Variants in TRIP4 observed in about 807,000 individuals in gnomAD.
TRIP4 encodes activating signal cointegrator 1.
In TRIP4, 54 loss-of-function variants were observed where a neutral mutation model predicts 81.8. The observed-to-expected ratio is 0.66, with a 90% CI of 0.53 to 0.83. The LOEUF (loss-of-function observed/expected upper bound fraction) is 0.83, where lower values mean the gene tolerates loss of function less well. Among genes scored for constraint, TRIP4 ranks in the 40% least tolerant of loss-of-function variants. TRIP4 has a pLI of 0.00. For missense variants in TRIP4, 662 were observed against 683.6 expected, an observed-to-expected ratio of 0.97 and a Z score of 0.35; for synonymous variants, 270 against 242.8, an observed-to-expected ratio of 1.11 and a Z score of -1.04.
At chr15:64,394,459 G>A (rs1360432400) in intron 2 of TRIP4, among the ~76,000 whole-genome samples, 4 of 151,988 alleles carry the variant, frequency 2.6e-5, no homozygotes, top group Non-Finnish European at 5.9e-5. Flanking sequence ...CAAAAAGTTA[G>A]CCAGGCATGG....
chr15:64,401,426 C>T (rs138134529), intron 5 of TRIP4, among the ~76,000 whole-genome samples: 1 of 152,004 alleles, frequency 6.6e-6, no homozygotes, highest in Non-Finnish European at 1.5e-5. Context: ...TAAGCCACCA[C>T]GCCCAGCCAA....
rs144113386 is a variant in TRIP4 at position 64,397,627 on chromosome 15, G to A, written c.427G>A (p.Val143Ile). 48 of 1,612,728 alleles carry A rather than the reference G, an allele frequency of 3.0e-5. No homozygotes were observed. Among genetic ancestry groups the A allele is most frequent in the Admixed American group, 2.7e-4 (16 of 59,972 alleles). ...LAKAQENSNS[V>I]KKKTKFVNLY... ...ATAGGCACAAGAGAACAGCAACTCC[G>A]TAAAGAAGAAGACAAAGTTTGTCAA... The change falls in exon 4 of 13, where the codon GTA (valine) becomes ATA (isoleucine). Residue 143 changes from valine to isoleucine, a missense_variant. Transcript: ENST00000261884.
intron 7 of TRIP4, among the ~76,000 whole-genome samples, chr15:64,412,288 A>G (rs1891783188): frequency 6.6e-6 from 1 of 152,102 alleles, no homozygotes; most frequent in South Asian, 2.1e-4. Flanking sequence ...ACGCTATTTT[A>G]GACTTACCTC....
chr15:64,389,800 G>A (rs1485467352), intron 1 of TRIP4, among the ~76,000 whole-genome samples: 2 of 146,482 alleles, frequency 1.4e-5, no homozygotes, highest in Admixed American at 7.0e-5. Flanking sequence ...CGCCTCCCAC[G>A]TTCAAGCGAT....
chr15:64,410,692 C>T (rs1359603736), intron 7 of TRIP4, among the ~76,000 whole-genome samples: 5 of 151,834 alleles, frequency 3.3e-5, no homozygotes, highest in Non-Finnish European at 7.4e-5. Context: ...AAAGCTCTTC[C>T]TAAGCAAGAT....
chr15:64,396,949 A>G (rs1460550752), intron 3 of TRIP4, among the ~76,000 whole-genome samples: 1 of 152,162 alleles, frequency 6.6e-6, no homozygotes, highest in Non-Finnish European at 1.5e-5. Flanking sequence ...GTTGGTATTT[A>G]GTGGTATTGC....
intron 12 of TRIP4, among the ~76,000 whole-genome samples, chr15:64,446,018 A>G (rs1892624752): frequency 6.6e-6 from 1 of 152,148 alleles, no homozygotes; most frequent in Non-Finnish European, 1.5e-5. Flanking sequence ...CATGCCTATA[A>G]TCCCAGCACT....
chr15:64,431,847 A>ATATATATATATATATATTTTTTTTTTT, intron 11 of TRIP4, among the ~76,000 whole-genome samples: 1 of 119,558 alleles, frequency 8.4e-6, no homozygotes, highest in African/African-American at 3.3e-5. Context: ...ATATATATAT[A>ATATATATATATATATATTTTTTTTTTT]TTTTTTTTAT....
At chr15:64,424,583 A>G (rs936388823) in intron 10 of TRIP4, among the ~76,000 whole-genome samples, 2 of 152,212 alleles carry the variant, frequency 1.3e-5, no homozygotes, top group Non-Finnish European at 2.9e-5. Context: ...TCACCCCAAG[A>G]ATACTAACTT....
At chr15:64,418,395 A>T in intron 8 of TRIP4, 146 bp from the exon 9 acceptor site, 1 of 898,090 alleles carries the variant, frequency 1.1e-6, no homozygotes, top group Non-Finnish European at 1.6e-6. Context: ...TACAGGCGTG[A>T]GCCACGATGC....
intron 11 of TRIP4, among the ~76,000 whole-genome samples, chr15:64,442,903 A>AT (rs564792740): frequency 7.0e-4 from 106 of 151,594 alleles, no homozygotes; most frequent in Non-Finnish European, 1.2e-3. Flanking sequence ...AGGCAGGAGA[A>AT]TTGCTTGAAC....
rs373712602 is a variant in TRIP4, at chr15:64,400,718, A to T, written c.619-25A>T. On this transcript the variant is annotated intron_variant, in intron 4 of 12. Coordinates refer to ENST00000261884, the MANE Select transcript of TRIP4 (RefSeq NM_016213.5). ...CAATATAATTTAACTGTTGGATCAC[A>T]TGTCTTACTCTTACTATTTTACAGG... 2.5e-6 allele frequency: 4 copies of T among 1,584,294 alleles called. No individual in the cohort carries two copies. In the African/African-American group the frequency reaches 5.4e-5, roughly 21 times the overall value.
intron 3 of TRIP4, 56 bp from the exon 4 acceptor site, chr15:64,397,550 G>A: frequency 6.4e-7 from 1 of 1,569,656 alleles, no homozygotes; most frequent in Non-Finnish European, 8.7e-7. Context: ...TTTCTCCCTT[G>A]ACTTTTTACA....
chr15:64,407,872 G>A (rs1420213059), intron 6 of TRIP4, among the ~76,000 whole-genome samples: 1 of 151,910 alleles, frequency 6.6e-6, no homozygotes, highest in Non-Finnish European at 1.5e-5. Flanking sequence ...CAAGGCAGAC[G>A]GATTGCTTGA....
At chr15:64,421,739 C>T (rs1403773774) in intron 9 of TRIP4, among the ~76,000 whole-genome samples, 1 of 152,098 alleles carries the variant, frequency 6.6e-6, no homozygotes, top group Non-Finnish European at 1.5e-5. Flanking sequence ...GCTGTACCAG[C>T]TTGTAACTTA....
chr15:64,425,583 C>CTG lies in TRIP4; in HGVS notation c.1532_1533dup (p.Asp512TrpfsTer3). The CTG allele has an allele frequency of 6.2e-7, 1 of 1,612,572 alleles. No individual in the cohort carries two copies. The highest frequency in any genetic ancestry group is 8.5e-7 in the Non-Finnish European group (1 of 1,179,310). On this transcript the variant is annotated frameshift_variant, in exon 11 of 13. Transcript: ENST00000261884. LOFTEE classifies it high-confidence loss of function. ...ACTATCCGTCAGGTTGTCTTCTGGG[C>CTG]TGTGTGGACCTAATTGACTGCTTGT...
chr15:64,442,662 T>C (rs1766742510), intron 11 of TRIP4, among the ~76,000 whole-genome samples: 1 of 151,238 alleles, frequency 6.6e-6, no homozygotes, highest in Middle Eastern at 3.4e-3. Flanking sequence ...CTACTACAGA[T>C]AGATCAAGTT....
intron 10 of TRIP4, among the ~76,000 whole-genome samples, chr15:64,424,493 T>C (rs1176309780): frequency 3.3e-5 from 5 of 152,330 alleles, no homozygotes; most frequent in East Asian, 3.9e-4. Context: ...GGAATTTTCA[T>C]TGAGAGTGGC....
intron 9 of TRIP4, among the ~76,000 whole-genome samples, chr15:64,419,579 C>T (rs909627989): frequency 1.3e-5 from 2 of 150,880 alleles, no homozygotes; most frequent in Admixed American, 1.3e-4. Flanking sequence ...AGGCTGGTCT[C>T]GATCTCCTGA....
Sources: allele counts gnomAD v4.1 joint callset (sites outside exome capture counted in the v4.1 genomes callset), GRCh38; gene constraint gnomAD v4.1.1; transcripts MANE v1.5; gene names NCBI Gene and HGNC (gene_info 2026-07-23, HGNC 2026-07-21).